PDZRN3: variants seen among roughly 807,000 people sequenced by gnomAD.
PDZRN3 encodes E3 ubiquitin-protein ligase PDZRN3.
PDZRN3 carries 38 observed loss-of-function variants against 85.7 expected under a neutral mutation model. That is an observed-to-expected ratio of 0.44 (90% CI 0.34 to 0.58). The LOEUF is 0.58. PDZRN3 is among the 20% of genes least tolerant of loss of function. PDZRN3 has a pLI of 0.01. For missense variants in PDZRN3, 1,629 were observed against 1,506.4 expected (o/e 1.08, Z -1.35); for synonymous variants, 759 against 638.0 (o/e 1.19, Z -2.86).
chr3:73,604,675 A>G (rs775255911), intron 2 of PDZRN3, among the ~76,000 whole-genome samples: 12 of 152,242 alleles, frequency 7.9e-5, no homozygotes, highest in Non-Finnish European at 1.6e-4. Flanking sequence ...TGATGTCAAT[A>G]TATCAAATGA....
chr3:73,431,591 G>A (rs943306256), intron 3 of PDZRN3, among the ~76,000 whole-genome samples: 31 of 152,164 alleles, frequency 2.0e-4, no homozygotes, highest in Non-Finnish European at 1.2e-4. Flanking sequence ...ATTCCTTTAT[G>A]CTACGGTTCA....
At chr3:73,475,398 C>T (rs1460405080) in intron 3 of PDZRN3, among the ~76,000 whole-genome samples, 2 of 152,158 alleles carry the variant, frequency 1.3e-5, no homozygotes, top group Non-Finnish European at 2.9e-5. Context: ...CATTTTTCTC[C>T]CACAAATGAA....
At position 73,385,760 on chromosome 3, in the gene PDZRN3, T is replaced by G. The variant is rs1199303089; in HGVS notation, c.1544A>C (p.Asp515Ala). The G allele has an allele frequency of 6.2e-7, 1 of 1,612,838 alleles. No homozygotes were observed. The highest frequency in any genetic ancestry group is 1.1e-5 in the South Asian group (1 of 91,056). ...CAGGTCATCCAGAAAGTCGTTCCTG[T>G]CATCATCCATCCAGCCCTCATCCAG... ...LQLDEGWMDD[D>A]RNDFLDDLHM... Residue 515 changes from aspartate (D) to alanine (A), a missense_variant, in exon 9 of 10, where the codon GAC becomes GCC. Coordinates refer to ENST00000263666, the MANE Select transcript of PDZRN3 (RefSeq NM_015009.3).
rs1701309039 is a variant in PDZRN3, at chr3:73,384,455, C to T, written c.2111G>A (p.Arg704His). ...CTTGAGCTGCTGCATCTTGTGGGCG[C>T]GCACGATGCTCAGGCACTCCAGCTC... ...SIELECLSIV[R>H]AHKMQQLKEQ... Residue 704 changes from arginine (R) to histidine (H), a missense_variant, in exon 10 of 10, where the codon CGC becomes CAC. Arg to His is a conservative substitution (Grantham distance 29, BLOSUM62 0). Transcript: ENST00000263666. 6.2e-7 allele frequency: 1 copy of T among 1,612,594 alleles called. No homozygotes were observed. The highest frequency in any genetic ancestry group is 8.5e-7 in the Non-Finnish European group (1 of 1,180,030).
intron 3 of PDZRN3, among the ~76,000 whole-genome samples, chr3:73,531,797 T>C (rs1704662096): frequency 6.6e-6 from 1 of 152,198 alleles, no homozygotes; most frequent in Non-Finnish European, 1.5e-5. Flanking sequence ...ATCAATACTT[T>C]AGCTGCATTC....
At chr3:73,531,874 A>G (rs1376349480) in intron 3 of PDZRN3, among the ~76,000 whole-genome samples, 1 of 152,234 alleles carries the variant, frequency 6.6e-6, no homozygotes, top group Non-Finnish European at 1.5e-5. Flanking sequence ...CAACGGAAGC[A>G]GCCACTTTCA....
chr3:73,576,161 G>T (rs1427509070), intron 3 of PDZRN3, among the ~76,000 whole-genome samples: 1 of 152,040 alleles, frequency 6.6e-6, no homozygotes, highest in African/African-American at 2.4e-5. Flanking sequence ...CCTATTTTCT[G>T]CCAACTTCTT....
intron 3 of PDZRN3, among the ~76,000 whole-genome samples, chr3:73,530,140 GT>G (rs1704619853): frequency 6.6e-6 from 1 of 152,162 alleles, no homozygotes; most frequent in Admixed American, 6.5e-5. Flanking sequence ...CACTCTGGGG[GT>G]CAAATTTTGG....
At chr3:73,388,139 T>G in intron 7 of PDZRN3, 70 bp from the exon 8 acceptor site, 1 of 753,436 alleles carries the variant, frequency 1.3e-6, no homozygotes, top group Non-Finnish European at 2.2e-6. Flanking sequence ...GCAAAATCAT[T>G]CTATTTTATT....
At chr3:73,486,859 T>G (rs1388375018) in intron 3 of PDZRN3, among the ~76,000 whole-genome samples, 2 of 152,220 alleles carry the variant, frequency 1.3e-5, no homozygotes, top group Non-Finnish European at 2.9e-5. Flanking sequence ...GGAAAACTGA[T>G]TATTTGGAAA....
chr3:73,499,675 A>G (rs1316782171), intron 3 of PDZRN3, among the ~76,000 whole-genome samples: 2 of 152,218 alleles, frequency 1.3e-5, no homozygotes, highest in African/African-American at 2.4e-5. Context: ...TAAAATGCCC[A>G]AAGCCTGAGG....
intron 3 of PDZRN3, among the ~76,000 whole-genome samples, chr3:73,436,695 T>C (rs1358653699): frequency 2.0e-5 from 3 of 152,200 alleles, no homozygotes; most frequent in Non-Finnish European, 4.4e-5. Context: ...TATGGCACTG[T>C]ATTTCCGAGC....
At chr3:73,532,644 A>G (rs1009862111) in intron 3 of PDZRN3, among the ~76,000 whole-genome samples, 2 of 152,236 alleles carry the variant, frequency 1.3e-5, no homozygotes, top group Non-Finnish European at 1.5e-5. Context: ...TTGGGTCTGC[A>G]TGACTTTAAG....
intron 3 of PDZRN3, among the ~76,000 whole-genome samples, chr3:73,492,955 G>A (rs191796442): frequency 1.4e-5 from 2 of 146,676 alleles, no homozygotes. Context: ...AGTACTCTTA[G>A]GGTTAGACTA....
intron 1 of PDZRN3, among the ~76,000 whole-genome samples, chr3:73,617,555 G>C (rs192096351): frequency 4.6e-4 from 70 of 152,316 alleles, no homozygotes; most frequent in African/African-American, 1.6e-3. Flanking sequence ...CCTGGCACTA[G>C]GGGTATGAGA....
chr3:73,487,636 C>T (rs1703689076), intron 3 of PDZRN3, among the ~76,000 whole-genome samples: 1 of 152,020 alleles, frequency 6.6e-6, no homozygotes, highest in Non-Finnish European at 1.5e-5. Context: ...TTTTTTTTCC[C>T]CCATAAATTT....
At chr3:73,471,003 G>A (rs912529211) in intron 3 of PDZRN3, among the ~76,000 whole-genome samples, 2 of 152,022 alleles carry the variant, frequency 1.3e-5, no homozygotes, top group African/African-American at 4.8e-5. Flanking sequence ...CTCCACCCCC[G>A]ACTGACTCAA....
chr3:73,528,325 C>G (rs1262296083), intron 3 of PDZRN3, among the ~76,000 whole-genome samples: 1 of 152,172 alleles, frequency 6.6e-6, no homozygotes, highest in African/African-American at 2.4e-5. Context: ...AGTCTCGAGG[C>G]TACCAGTGTA....
chr3:73,561,293 C>A (rs1357421191), intron 3 of PDZRN3, among the ~76,000 whole-genome samples: 1 of 152,346 alleles, frequency 6.6e-6, no homozygotes, highest in East Asian at 1.9e-4. Context: ...AACCTTTCAA[C>A]CATTAGGGCT....
Sources: allele counts gnomAD v4.1 joint callset (sites outside exome capture counted in the v4.1 genomes callset), GRCh38; gene constraint gnomAD v4.1.1; transcripts MANE v1.5; gene names NCBI Gene and HGNC (gene_info 2026-07-23, HGNC 2026-07-21).